The following ATG4A variants were observed in gnomAD, a reference collection of about 807,000 sequenced individuals.
The protein encoded by ATG4A is autophagy related 4A cysteine peptidase.
Under a neutral mutation model 38.4 loss-of-function variants are expected in ATG4A, and 22 were observed. That is an observed-to-expected ratio of 0.57 (90% confidence interval 0.41 to 0.82). The LOEUF (loss-of-function observed/expected upper bound fraction) is 0.82, where lower values mean the gene tolerates loss of function less well. Ranked by LOEUF, ATG4A falls within the 40% of genes least tolerant of loss-of-function variation. The probability of loss-of-function intolerance (pLI) is 0.00; values close to 1 mark genes in which losing one functional copy is unlikely to be tolerated. For missense variants in ATG4A, 220 were observed against 290.0 expected (o/e 0.76, Z 1.75); for synonymous variants, 86 against 100.7 (o/e 0.85, Z 0.88).
Position 108,119,515 on chromosome X carries a change from T to C in ATG4A, c.11-6562T>C, listed in dbSNP as rs780357874. On this transcript the variant is annotated intron_variant, in intron 1 of 12. Coordinates refer to ENST00000372232, the MANE Select transcript of ATG4A (RefSeq NM_052936.5). ...TCTGCAGTATACTGATCTTTTCTAT[T>C]CTATTCAATTTCATTTTTTAAAAAT... 3.6e-5 allele frequency among the ~76,000 whole-genome samples: 4 copies of C among 112,160 alleles called. No homozygotes were observed. The South Asian group carries it at 1.5e-3, about 42-fold the overall frequency.
At chrX:108,108,806 CTCTT>C (rs2032268127) in intron 1 of ATG4A, among the ~76,000 whole-genome samples, 1 of 111,896 alleles carries the variant, frequency 8.9e-6, no homozygotes. Context: ...CTTCTAATTT[CTCTT>C]TCTATGAATT....
chrX:108,092,481 A>C (rs5973841), intron 1 of ATG4A, among the ~76,000 whole-genome samples: 45,082 of 111,174 alleles, frequency 0.41, 7,012 homozygotes, highest in Non-Finnish European at 0.47. Flanking sequence ...ATTATGCCAC[A>C]ACTAGGTAAC....
At chrX:108,143,707 C>G (rs1173265614) in intron 9 of ATG4A, 2 of 247,305 alleles carry the variant, frequency 8.1e-6, no homozygotes, top group Non-Finnish European at 1.5e-5. Context: ...ACTAAGAACT[C>G]TAGGCCAGCA....
chrX:108,127,362 C>T (rs1048605781), intron 2 of ATG4A, among the ~76,000 whole-genome samples: 2 of 112,180 alleles, frequency 1.8e-5, no homozygotes, highest in Admixed American at 9.4e-5. Flanking sequence ...TTTAAGAGGA[C>T]GAGCACATAA....
chrX:108,150,138 C>G lies in ATG4A; in HGVS notation c.815-14C>G, dbSNP rs754503573. The G allele has an allele frequency of 9.4e-5, 113 of 1,208,497 alleles. 1 individual carries two copies. In the South Asian group the frequency reaches 1.9e-3, roughly 20 times the overall value. ...GTAATCCTTTGAAGGTTAAGCATAT[C>G]TCCTTCAAAACAGGTGACGAGCTCA... On this transcript the variant is annotated splice_polypyrimidine_tract_variant and intron_variant, in intron 9 of 12. Coordinates refer to ENST00000372232, the MANE Select transcript of ATG4A (RefSeq NM_052936.5).
At chrX:108,147,879 C>T (rs2033461625) in intron 9 of ATG4A, among the ~76,000 whole-genome samples, 1 of 108,211 alleles carries the variant, frequency 9.2e-6, no homozygotes, top group African/African-American at 3.4e-5. Flanking sequence ...ATTTTTGGGT[C>T]TAATCATATT....
At chrX:108,095,585 ACT>A (rs2031784319) in intron 1 of ATG4A, among the ~76,000 whole-genome samples, 2 of 110,705 alleles carry the variant, frequency 1.8e-5, no homozygotes, top group African/African-American at 6.6e-5. Context: ...TCATATCGTA[ACT>A]CTGTTTAAGT....
intron 1 of ATG4A, among the ~76,000 whole-genome samples, chrX:108,104,618 A>G (rs770010482): frequency 1.8e-5 from 2 of 111,757 alleles, no homozygotes; most frequent in African/African-American, 6.5e-5. Flanking sequence ...AATGTTTCTC[A>G]GTGTGGATTT....
At chrX:108,128,966 A>G in intron 3 of ATG4A, 114 bp downstream of exon 3, 6 of 437,608 alleles carry the variant, frequency 1.4e-5, no homozygotes, top group Non-Finnish European at 2.2e-5. Flanking sequence ...AAAGAATTTG[A>G]TTGAGGAGAC....
upstream of ATG4A, among the ~76,000 whole-genome samples, chrX:108,089,592 G>A (rs766761590): frequency 8.9e-5 from 10 of 111,958 alleles, no homozygotes; most frequent in South Asian, 3.0e-3. Flanking sequence ...CCAGCACTTT[G>A]GGAGGCTGAG....
chrX:108,130,517 T>C (rs1333569235), intron 3 of ATG4A, among the ~76,000 whole-genome samples: 1 of 112,402 alleles, frequency 8.9e-6, no homozygotes, highest in African/African-American at 3.2e-5. Flanking sequence ...TTTATTAATA[T>C]GGGTTTAAAT....
chrX:108,126,612 A>G (rs2032804549), intron 2 of ATG4A, among the ~76,000 whole-genome samples: 1 of 111,521 alleles, frequency 9.0e-6, no homozygotes, highest in African/African-American at 3.3e-5. Flanking sequence ...ACACCCAAGG[A>G]CTTCTAGACA....
chrX:108,104,660 G>T (rs1392357477), intron 1 of ATG4A, among the ~76,000 whole-genome samples: 3 of 111,439 alleles, frequency 2.7e-5, no homozygotes, highest in African/African-American at 9.8e-5. Context: ...AGTCTGTTGG[G>T]CTTCTTGAAT....
At chrX:108,124,001 G>C (rs1164999216) in intron 1 of ATG4A, among the ~76,000 whole-genome samples, 2 of 112,335 alleles carry the variant, frequency 1.8e-5, no homozygotes, top group Non-Finnish European at 3.8e-5. Context: ...GTCTACTCAA[G>C]TTACTTATTT....
Position 108,128,806 on chromosome X carries a change from A to T in ATG4A, c.147A>T (p.Ile49=), listed in dbSNP as rs774129016. The T allele has an allele frequency of 5.9e-6, 7 of 1,185,833 alleles. No individual in the cohort carries two copies. The highest frequency in any genetic ancestry group is 2.3e-6 in the Non-Finnish European group (2 of 883,149). The change falls in exon 3 of 13, where the codon ATA becomes ATT. Residue 49 remains isoleucine, a synonymous_variant. Coordinates refer to ENST00000372232, the MANE Select transcript of ATG4A (RefSeq NM_052936.5). ...KTEKSKLLSD[I]SARLWFTYRR... The stretch of plus-strand genomic sequence containing the variant: ...AAAAATCTAAGCTGTTGTCTGATAT[A>T]AGTGCTCGTCTATGGTTTACATACA...
chrX:108,120,531 G>A (rs2147988670), intron 1 of ATG4A, among the ~76,000 whole-genome samples: 1 of 112,048 alleles, frequency 8.9e-6, no homozygotes, highest in South Asian at 3.7e-4. Context: ...CACTTAAAAA[G>A]GGAATAAGAT....
At chrX:108,119,759 CT>C (rs1003425912) in intron 1 of ATG4A, among the ~76,000 whole-genome samples, 1 of 111,812 alleles carries the variant, frequency 8.9e-6, no homozygotes, top group African/African-American at 3.3e-5. Context: ...GAATTTCCTC[CT>C]TTTCCCTTTC....
intron 9 of ATG4A, among the ~76,000 whole-genome samples, chrX:108,141,047 T>C (rs1022824093): frequency 2.7e-5 from 2 of 73,467 alleles, no homozygotes; most frequent in East Asian, 3.8e-4. Context: ...TACATATATA[T>C]ACATATATAC....
intron 9 of ATG4A, among the ~76,000 whole-genome samples, chrX:108,140,985 TAC>T (rs767379638): frequency 0.036 from 3,227 of 88,928 alleles, 246 homozygotes; most frequent in African/African-American, 0.13. Context: ...CACATATATA[TAC>T]GTATATATAT....
Sources: gnomAD v4.1 joint callset for allele counts (sites outside exome capture counted in the v4.1 genomes callset) on GRCh38, gnomAD v4.1.1 for gene constraint, MANE v1.5 for transcripts, NCBI Gene and HGNC (gene_info 2026-07-23, HGNC 2026-07-21) for gene names.